Variants in VCL observed in about 807,000 individuals in gnomAD.
The protein encoded by VCL is epididymis luminal protein 114.
VCL carries 47 observed loss-of-function variants against 125.7 expected under a neutral mutation model. That is an observed-to-expected ratio of 0.37 (90% confidence interval 0.30 to 0.48). VCL has a LOEUF of 0.48. VCL is among the 20% of genes least tolerant of loss of function. The probability of loss-of-function intolerance (pLI) is 0.99; values close to 1 mark genes in which losing one functional copy is unlikely to be tolerated. For synonymous variants in VCL, 458 were observed against 514.6 expected (o/e 0.89, Z 1.49); for missense variants, 1,069 against 1,455.5 (o/e 0.73, Z 4.32).
At chr10:74,007,330 C>T (rs1182621015) in intron 1 of VCL, among the ~76,000 whole-genome samples, 1 of 152,020 alleles carries the variant, frequency 6.6e-6, no homozygotes, top group African/African-American at 2.4e-5. Flanking sequence ...TTCACTGCAC[C>T]CTTTGAAATG....
At chr10:74,003,292 A>G (rs1840264752) in intron 1 of VCL, among the ~76,000 whole-genome samples, 1 of 152,138 alleles carries the variant, frequency 6.6e-6, no homozygotes, top group South Asian at 2.1e-4. Flanking sequence ...GAAACAAGGA[A>G]GAGGAGGTAG....
rs758702730 is a variant in VCL, at chr10:74,094,184, T to A, written c.1353-87T>A. The A allele has an allele frequency of 5.0e-5, 76 of 1,528,150 alleles. 1 individual carries two copies. Among genetic ancestry groups the A allele is most frequent in the Admixed American group, 1.7e-4 (9 of 53,430 alleles). 94.7% of individuals were successfully genotyped at this position (1,528,150 alleles called of 1,614,324 possible). A position where few individuals can be genotyped will look rare whatever the true frequency, so the allele number is the denominator to read the frequency against. On this transcript the variant is annotated intron_variant, in intron 10 of 21. Transcript: ENST00000211998. The stretch of plus-strand genomic sequence containing the variant: ...AATAGTAATCAGGAGCAATTTGTCA[T>A]CCTATTAGCATTTGTCATTAGCAGC...
rs1591650515 is a variant in VCL, at chr10:74,013,474, A to G, written c.168+15099A>G. The stretch of plus-strand genomic sequence containing the variant: ...TCTTTTGCAAATGAGCAGAATAGCC[A>G]TCTTTGGCAAAATGTGGTAGTATGA... On this transcript the variant is annotated intron_variant, in intron 1 of 21. Coordinates refer to ENST00000211998, the MANE Select transcript of VCL (RefSeq NM_014000.3). 2.0e-5 allele frequency among the ~76,000 whole-genome samples: 3 copies of G among 152,096 alleles called. No individual in the cohort carries two copies. In the East Asian group the frequency reaches 5.8e-4, roughly 29 times the overall value.
At chr10:74,100,878 A>C in intron 13 of VCL, 70 bp from the exon 14 acceptor site, 1 of 1,593,228 alleles carries the variant, frequency 6.3e-7, no homozygotes. Flanking sequence ...TTAAAGGATG[A>C]AACTTTTTCT....
In VCL at chr10:74,083,355, C is replaced by T. The variant is rs773625362; in HGVS notation, c.875-11C>T. On this transcript the variant is annotated splice_polypyrimidine_tract_variant and intron_variant, in intron 7 of 21. Transcript: ENST00000211998. ...TCAACAATGTAGTTATTGAATATCT[C>T]TTTATTTTAGGGGATGCTGGTGAGC... is the stretch of plus-strand genomic sequence containing the variant. The T allele has an allele frequency of 1.2e-6, 2 of 1,613,696 alleles. No homozygotes were observed. Among genetic ancestry groups the T allele is most frequent in the Non-Finnish European group, 1.7e-6 (2 of 1,179,772 alleles).
At chr10:74,025,316 C>G (rs1384595456) in intron 1 of VCL, among the ~76,000 whole-genome samples, 1 of 151,946 alleles carries the variant, frequency 6.6e-6, no homozygotes, top group African/African-American at 2.4e-5. Context: ...GTGCCTGGCC[C>G]CACTCTTCTT....
In VCL at chr10:74,118,282, G is replaced by A; in HGVS notation, c.*113G>A. The A allele has an allele frequency of 7.3e-7, 1 of 1,366,678 alleles. No individual in the cohort carries two copies. Among genetic ancestry groups the A allele is most frequent in the East Asian group, 2.4e-5 (1 of 41,266 alleles). The allele number at this position is 1,366,678 out of a possible 1,614,324, so 84.7% of individuals were successfully genotyped here. A position where few individuals can be genotyped will look rare whatever the true frequency, so the allele number is the denominator to read the frequency against. ...GAGCTGAAAAATCACATCCTGGCCT[G>A]GCACATCAGAAAGGAATGGGGGCCT... On this transcript the variant is annotated 3_prime_UTR_variant, in exon 22 of 22. Coordinates refer to ENST00000211998, the MANE Select transcript of VCL (RefSeq NM_014000.3).
At chr10:74,048,439 C>G (rs930882787) in intron 2 of VCL, among the ~76,000 whole-genome samples, 13 of 150,820 alleles carry the variant, frequency 8.6e-5, no homozygotes, top group Non-Finnish European at 1.8e-4. Flanking sequence ...TGCATTCCAG[C>G]CTGGGCAAGA....
intron 8 of VCL, among the ~76,000 whole-genome samples, chr10:74,084,943 T>C (rs2131902371): frequency 6.6e-6 from 1 of 152,276 alleles, no homozygotes; most frequent in African/African-American, 2.4e-5. Flanking sequence ...ATGGCCTTGC[T>C]CTGTCACCCA....
At chr10:74,102,952 C>T (rs868168633) in intron 14 of VCL, among the ~76,000 whole-genome samples, 30 of 152,118 alleles carry the variant, frequency 2.0e-4, no homozygotes, top group South Asian at 4.2e-4. Flanking sequence ...CTGCAACCTC[C>T]GCCTCCGGGG....
intron 17 of VCL, among the ~76,000 whole-genome samples, chr10:74,107,737 G>A (rs1188917402): frequency 2.0e-5 from 3 of 152,140 alleles, no homozygotes; most frequent in Non-Finnish European, 4.4e-5. Flanking sequence ...TGGTAGAACC[G>A]AGGTGGTTGA....
At chr10:74,049,241 ATTATG>A (rs1215595340) in intron 2 of VCL, among the ~76,000 whole-genome samples, 5 of 152,116 alleles carry the variant, frequency 3.3e-5, no homozygotes, top group Admixed American at 6.6e-5. Context: ...TATGCTTGTT[ATTATG>A]TTTTCTTTAA....
At chr10:74,084,439 G>A (rs193090380) in intron 8 of VCL, among the ~76,000 whole-genome samples, 109 of 151,858 alleles carry the variant, frequency 7.2e-4, no homozygotes, top group Non-Finnish European at 1.3e-3. Flanking sequence ...TTACAGGCAT[G>A]GGCTGCCACA....
rs140978837 is a variant in VCL, at chr10:74,025,642, G to A, written c.169-17441G>A. Among the ~76,000 whole-genome samples the A allele has an allele frequency of 2.8e-3, 380 of 133,534 alleles. 1 individual carries two copies. Among genetic ancestry groups the A allele is most frequent in the African/African-American group, 0.01 (363 of 36,222 alleles). 87.6% of individuals were successfully genotyped at this position (133,534 alleles called of 152,430 possible). A position where few individuals can be genotyped will look rare whatever the true frequency, so the allele number is the denominator to read the frequency against. ...AAAGAAAGGGAAGGGGAGGGGAGGG[G>A]GAAAGAAAGAAGGGAGGGAGAAAGG... On this transcript the variant is annotated intron_variant, in intron 1 of 21. Coordinates refer to ENST00000211998, the MANE Select transcript of VCL (RefSeq NM_014000.3).
At chr10:74,004,489 G>C (rs192479519) in intron 1 of VCL, among the ~76,000 whole-genome samples, 1 of 152,112 alleles carries the variant, frequency 6.6e-6, no homozygotes, top group African/African-American at 2.4e-5. Flanking sequence ...CATCTACTTA[G>C]AGCAAAGTTG....
intron 17 of VCL, among the ~76,000 whole-genome samples, chr10:74,107,654 T>C (rs1201108594): frequency 1.3e-5 from 2 of 152,066 alleles, no homozygotes; most frequent in Non-Finnish European, 2.9e-5. Flanking sequence ...TGATGAGTGA[T>C]GAGGTAGTGC....
At chr10:74,034,873 C>A (rs528032501) in intron 1 of VCL, among the ~76,000 whole-genome samples, 1 of 152,262 alleles carries the variant, frequency 6.6e-6, no homozygotes, top group South Asian at 2.1e-4. Context: ...TTATTATTAT[C>A]CTTGTATGAC....
chr10:74,068,540 A>T (rs1841611566), intron 2 of VCL, among the ~76,000 whole-genome samples: 1 of 152,058 alleles, frequency 6.6e-6, no homozygotes, highest in Admixed American at 6.6e-5. Context: ...GGCCAGGCTG[A>T]TCTCGAAATC....
rs184420024 is a variant in VCL at position 74,089,088 on chromosome 10, G to A, written c.1023-108G>A. 1.0e-3 allele frequency: 1,537 copies of A among 1,524,046 alleles called. 3 individuals carry two copies. Among genetic ancestry groups the A allele is most frequent in the Middle Eastern group, 1.4e-3 (8 of 5,902 alleles). The allele number at this position is 1,524,046 out of a possible 1,614,324, so 94.4% of individuals were successfully genotyped here. A position where few individuals can be genotyped will look rare whatever the true frequency, so the allele number is the denominator to read the frequency against. ...CTGTCCCAGATTTACTGGGAAAAAG[G>A]AAAAAGCCAAGCATGTTCATGAAAA... On this transcript the variant is annotated intron_variant, in intron 8 of 21. Transcript: ENST00000211998.
Sources: allele counts gnomAD v4.1 joint callset (sites outside exome capture counted in the v4.1 genomes callset), GRCh38; gene constraint gnomAD v4.1.1; transcripts MANE v1.5; gene names NCBI Gene and HGNC (gene_info 2026-07-23, HGNC 2026-07-21).